Variants in NRXN1 observed in about 807,000 individuals in gnomAD.
NRXN1 encodes neurexin 1, also known as neurexin-1.
NRXN1 carries 39 observed loss-of-function variants against 150.9 expected under a neutral mutation model. That is an observed-to-expected ratio of 0.26 (90% CI 0.20 to 0.34). NRXN1 has a LOEUF of 0.34. Ranked by LOEUF, NRXN1 falls within the 10% of genes least tolerant of loss-of-function variation. NRXN1 has a pLI of 1.00. For synonymous variants in NRXN1, 924 were observed against 757.0 expected (o/e 1.22, Z -3.62); for missense variants, 1,815 against 1,949.9 (o/e 0.93, Z 1.30).
chr2:50,338,056 A>T (rs939385317), intron 17 of NRXN1, among the ~76,000 whole-genome samples: 1 of 152,240 alleles, frequency 6.6e-6, no homozygotes, highest in Non-Finnish European at 1.5e-5. Flanking sequence ...CTCACCTAGG[A>T]CTAGTCCCAA....
intron 5 of NRXN1, among the ~76,000 whole-genome samples, chr2:50,852,220 C>A (rs1348791276): frequency 6.6e-6 from 1 of 152,144 alleles, no homozygotes; most frequent in Non-Finnish European, 1.5e-5. Flanking sequence ...TAGCTTTACA[C>A]TATGACAGTT....
At chr2:50,439,186 C>T (rs1268488546) in intron 17 of NRXN1, among the ~76,000 whole-genome samples, 1 of 152,146 alleles carries the variant, frequency 6.6e-6, no homozygotes, top group Non-Finnish European at 1.5e-5. Context: ...TGGAAACAAG[C>T]AATGCAATGC....
At chr2:51,006,706 T>G (rs1381658337) in intron 2 of NRXN1, among the ~76,000 whole-genome samples, 1 of 151,976 alleles carries the variant, frequency 6.6e-6, no homozygotes, top group Non-Finnish European at 1.5e-5. Flanking sequence ...CCAGCCTGTT[T>G]AACCACTTTT....
intron 17 of NRXN1, among the ~76,000 whole-genome samples, chr2:50,432,081 T>C (rs2085014778): frequency 6.6e-6 from 1 of 152,154 alleles, no homozygotes. Flanking sequence ...TAGCTAGCAA[T>C]TTGCGGAGAA....
At chr2:50,270,860 C>T (rs1423428264) in intron 17 of NRXN1, among the ~76,000 whole-genome samples, 2 of 151,954 alleles carry the variant, frequency 1.3e-5, no homozygotes, top group African/African-American at 2.4e-5. Context: ...GTTTTCACCA[C>T]GTTGGCCAGG....
chr2:50,660,876 T>C (rs1687200260), intron 5 of NRXN1, among the ~76,000 whole-genome samples: 1 of 152,056 alleles, frequency 6.6e-6, no homozygotes, highest in African/African-American at 2.4e-5. Flanking sequence ...TTTGGATATA[T>C]GGAGATAAAG....
At chr2:50,383,678 G>T (rs1241584538) in intron 17 of NRXN1, among the ~76,000 whole-genome samples, 1 of 152,154 alleles carries the variant, frequency 6.6e-6, no homozygotes, top group Non-Finnish European at 1.5e-5. Context: ...GAAGAAAAAT[G>T]GGTCCTGGTA....
chr2:50,064,553 G>A (rs552726921), intron 19 of NRXN1, among the ~76,000 whole-genome samples: 3 of 151,906 alleles, frequency 2.0e-5, no homozygotes, highest in African/African-American at 7.2e-5. Flanking sequence ...TCTTGGACTT[G>A]ATGAACCTTC....
chr2:50,723,794 G>C (rs1187659518), intron 5 of NRXN1, among the ~76,000 whole-genome samples: 1 of 152,190 alleles, frequency 6.6e-6, no homozygotes, highest in South Asian at 2.1e-4. Flanking sequence ...ACTGTTTCTG[G>C]AGAGGCCTCT....
chr2:50,481,612 T>A (rs2090461512), intron 15 of NRXN1, among the ~76,000 whole-genome samples: 2 of 152,144 alleles, frequency 1.3e-5, no homozygotes, highest in South Asian at 4.1e-4. Context: ...AAACCAGCAC[T>A]TACGTGGGAC....
At chr2:50,954,770 G>A (rs968962257) in intron 2 of NRXN1, among the ~76,000 whole-genome samples, 5 of 152,152 alleles carry the variant, frequency 3.3e-5, no homozygotes, top group African/African-American at 1.2e-4. Context: ...TATGAATTAG[G>A]TACTCAACAG....
At chr2:50,854,223 A>G (rs1362397387) in intron 5 of NRXN1, among the ~76,000 whole-genome samples, 1 of 152,054 alleles carries the variant, frequency 6.6e-6, no homozygotes, top group Non-Finnish European at 1.5e-5. Flanking sequence ...TAACAACAAA[A>G]AAAGAGATCA....
In NRXN1 at chr2:50,891,753, A is replaced by G. The variant is rs181010600; in HGVS notation, c.832+30116T>C. On this transcript the variant is annotated intron_variant, in intron 5 of 22. Transcript: ENST00000401669. ...GTTTCTCTTGGAATGGGAATGTACC[A>G]TAAGCCTGGATCAGGGTAAACTCTT... 5.4e-4 allele frequency among the ~76,000 whole-genome samples: 82 copies of G among 152,250 alleles called. 1 individual carries two copies. The highest frequency in any genetic ancestry group is 1.8e-3 in the African/African-American group (76 of 41,594).
At chr2:49,966,038 G>C (rs575658814) in intron 21 of NRXN1, among the ~76,000 whole-genome samples, 2 of 152,254 alleles carry the variant, frequency 1.3e-5, no homozygotes, top group African/African-American at 4.8e-5. Context: ...AAAGTTTCTT[G>C]ACATATGGTA....
Position 50,050,554 on chromosome 2 carries a change from C to T in NRXN1, c.4128+2717G>A, listed in dbSNP as rs1012399771. Reference sequence around the variant, plus strand: ...TAGTAAGACAGTTGATAAAAGCAGGCGGATATGGCCACTATAGACAACATT... The same window carrying T: ...TAGTAAGACAGTTGATAAAAGCAGGTGGATATGGCCACTATAGACAACATT... On this transcript the variant is annotated intron_variant, in intron 21 of 22. Coordinates refer to ENST00000401669, the MANE Select transcript of NRXN1 (RefSeq NM_001330078.2). 7.2e-5 allele frequency among the ~76,000 whole-genome samples: 11 copies of T among 151,888 alleles called. No individual in the cohort carries two copies. The East Asian group carries it at 1.3e-3, about 19-fold the overall frequency.
intron 18 of NRXN1, among the ~76,000 whole-genome samples, chr2:50,223,019 G>A (rs2064024483): frequency 6.6e-6 from 1 of 151,478 alleles, no homozygotes; most frequent in Non-Finnish European, 1.5e-5. Flanking sequence ...TTAAAATATG[G>A]GCTTTCCTGA....
chr2:50,957,871 C>A (rs1402870037), intron 2 of NRXN1, among the ~76,000 whole-genome samples: 1 of 151,714 alleles, frequency 6.6e-6, no homozygotes, highest in African/African-American at 2.4e-5. Flanking sequence ...GTCTTGGTGG[C>A]TTATAAATGA....
At chr2:50,896,512 G>T (rs1681980933) in intron 5 of NRXN1, among the ~76,000 whole-genome samples, 1 of 152,140 alleles carries the variant, frequency 6.6e-6, no homozygotes, top group Non-Finnish European at 1.5e-5. Flanking sequence ...GGATTGGGAG[G>T]GTGGGAGACA....
At chr2:50,173,530 GT>G (rs1397724448) in intron 18 of NRXN1, among the ~76,000 whole-genome samples, 2 of 152,034 alleles carry the variant, frequency 1.3e-5, no homozygotes, top group Non-Finnish European at 2.9e-5. Context: ...AAGAAAACCA[GT>G]TTAAAACTCT....
Sources: gnomAD v4.1 joint callset for allele counts (sites outside exome capture counted in the v4.1 genomes callset) on GRCh38, gnomAD v4.1.1 for gene constraint, MANE v1.5 for transcripts, NCBI Gene and HGNC (gene_info 2026-07-23, HGNC 2026-07-21) for gene names.